The following SLC45A4 variants were observed in gnomAD, a reference collection of about 807,000 sequenced individuals.
The protein encoded by SLC45A4 is polyamine-transporter SLC45A4.
A neutral mutation model predicts 63.7 loss-of-function variants in SLC45A4; 32 were observed. The ratio of observed to expected loss-of-function variants is 0.50; its 90% CI spans 0.38 to 0.67. The LOEUF is 0.67. Among genes scored for constraint, SLC45A4 ranks in the 30% least tolerant of loss-of-function variants. The probability of loss-of-function intolerance (pLI) is 0.00; values close to 1 mark genes in which losing one functional copy is unlikely to be tolerated. For missense variants in SLC45A4, 1,027 were observed against 1,157.7 expected (o/e 0.89, Z 1.64); for synonymous variants, 535 against 510.0 (o/e 1.05, Z -0.66).
intron 3 of SLC45A4, among the ~76,000 whole-genome samples, chr8:141,220,993 C>T (rs115200276): frequency 0.013 from 1,995 of 152,400 alleles, 59 homozygotes; most frequent in African/African-American, 0.046. Flanking sequence ...AGAAGCGTCC[C>T]GGGGCCTCTC....
At position 141,218,467 on chromosome 8, in the gene SLC45A4, T is replaced by G. The variant is rs746616554; in HGVS notation, c.1173A>C (p.Thr391=). Residue 391 remains threonine (T), a synonymous_variant, in exon 5 of 9, where the codon ACA becomes ACC. Transcript: ENST00000517878. Reference sequence around the variant, plus strand: ...TGGTGTAGCCGCCGAGGGCGTCTTTTGTGGGGGAGCCACTTCCGTTTGGGA... The same window carrying G: ...TGGTGTAGCCGCCGAGGGCGTCTTTGGTGGGGGAGCCACTTCCGTTTGGGA... ...AKVPNGSGSP[T]KDALGGYTRV... is the part of the protein sequence containing the mutation. The G allele has an allele frequency of 2.6e-5, 42 of 1,612,970 alleles. No individual in the cohort carries two copies. The highest frequency in any genetic ancestry group is 3.5e-5 in the Non-Finnish European group (41 of 1,179,942).
intron 1 of SLC45A4, among the ~76,000 whole-genome samples, chr8:141,279,808 A>C (rs565538454): frequency 1.3e-5 from 2 of 152,366 alleles, no homozygotes; most frequent in South Asian, 4.1e-4. Flanking sequence ...GTCCAAACAC[A>C]ATCTGGCTAT....
At chr8:141,239,584 ACACACACACACACACGCACG>A (rs1163292241) in intron 2 of SLC45A4, among the ~76,000 whole-genome samples, 2 of 146,724 alleles carry the variant, frequency 1.4e-5, no homozygotes, top group African/African-American at 5.1e-5. Context: ...GCACACACAC[ACACACACACACACACGCACG>A]CACACACACA....
intron 6 of SLC45A4, 54 bp from the exon 7 acceptor site, chr8:141,216,024 G>C (rs950103716): frequency 1.3e-6 from 2 of 1,512,270 alleles, no homozygotes; most frequent in South Asian, 1.2e-5. Context: ...GGCTCCTGTC[G>C]GGCTCCCTCC....
intron 7 of SLC45A4, among the ~76,000 whole-genome samples, chr8:141,214,987 C>A (rs1367980358): frequency 6.6e-6 from 1 of 152,236 alleles, no homozygotes; most frequent in Admixed American, 6.5e-5. Flanking sequence ...TGCAGTGCTA[C>A]CTGTGACGGC....
chr8:141,294,943 G>C (rs1185197617), intron 1 of SLC45A4, among the ~76,000 whole-genome samples: 1 of 152,232 alleles, frequency 6.6e-6, no homozygotes, highest in East Asian at 1.9e-4. Flanking sequence ...AAGTGAGTCA[G>C]GAACTGGCAG....
At chr8:141,232,651 G>A (rs146379501) in intron 2 of SLC45A4, among the ~76,000 whole-genome samples, 28 of 150,240 alleles carry the variant, frequency 1.9e-4, no homozygotes, top group African/African-American at 6.4e-4. Context: ...AAGCTGCAAC[G>A]GGAACACAGA....
chr8:141,281,284 A>G (rs1325102600), intron 1 of SLC45A4, among the ~76,000 whole-genome samples: 1 of 152,204 alleles, frequency 6.6e-6, no homozygotes, highest in African/African-American at 2.4e-5. Flanking sequence ...GGGTGCAGTG[A>G]GCTGAGATCA....
intron 1 of SLC45A4, chr8:141,292,969 T>G (rs1830412140): frequency 6.6e-6 from 1 of 152,176 alleles, no homozygotes; most frequent in African/African-American, 2.4e-5. Flanking sequence ...GCAAGGGGCC[T>G]ACATACCCCC....
intron 1 of SLC45A4, among the ~76,000 whole-genome samples, chr8:141,260,168 A>G (rs1828989218): frequency 6.6e-6 from 1 of 152,210 alleles, no homozygotes; most frequent in South Asian, 2.1e-4. Flanking sequence ...TGGCATCTAT[A>G]TTGATGAAAA....
rs142290350 is a variant in SLC45A4 at position 141,307,261 on chromosome 8, G to A, written c.-401+835C>T. Among the ~76,000 whole-genome samples the A allele has an allele frequency of 5.3e-5, 8 of 152,378 alleles. No homozygotes were observed. In the East Asian group the frequency reaches 1.5e-3, roughly 29 times the overall value. ...AAGCGCAAAGGGGAAAGGGGCAGCG[G>A]GTGCTGAGACGCAGAAGGTGCGGGG... On this transcript the variant is annotated intron_variant, in intron 1 of 8. Coordinates refer to ENST00000517878, the MANE Select transcript of SLC45A4 (RefSeq NM_001286646.2).
At chr8:141,230,559 G>C (rs1827288889) in intron 2 of SLC45A4, among the ~76,000 whole-genome samples, 1 of 152,244 alleles carries the variant, frequency 6.6e-6, no homozygotes, top group African/African-American at 2.4e-5. Context: ...TAAGCAGCGG[G>C]GGAGGTAGGG....
chr8:141,256,665 C>T lies in SLC45A4; in HGVS notation c.-400-2036G>A, dbSNP rs994049645. On this transcript the variant is annotated intron_variant, in intron 1 of 8. Transcript: ENST00000517878. The surrounding 1 kb of genome is among the most constrained non-coding windows in gnomAD (Gnocchi z 4.3). ...GAATGCCTACTAATTCCTTAAGAAC[C>T]AAAGGTTCAAGTGGTGCTACCTATG... is the stretch of plus-strand genomic sequence containing the variant. 1 of 455,880 alleles carries T rather than the reference C, an allele frequency of 2.2e-6. No homozygotes were observed. Among genetic ancestry groups the T allele is most frequent in the African/African-American group, 2.0e-5 (1 of 50,052 alleles). 28.2% of individuals were successfully genotyped at this position (455,880 alleles called of 1,614,324 possible). A position where few individuals can be genotyped will look rare whatever the true frequency, so the allele number is the denominator to read the frequency against.
Position 141,227,400 on chromosome 8 carries a change from A to G in SLC45A4, c.242-5635T>C, listed in dbSNP as rs1405506968. 6.6e-6 allele frequency among the ~76,000 whole-genome samples: 1 copy of G among 152,220 alleles called. No individual in the cohort carries two copies. The highest frequency in any genetic ancestry group is 1.9e-4 in the East Asian group (1 of 5,202). ...ATCCGCAATGGGAACAGGAACTTGC[A>G]TTCTTTCTTTCAATGGACAAAGCTT... is the stretch of plus-strand genomic sequence containing the variant. On this transcript the variant is annotated intron_variant, in intron 2 of 8. Coordinates refer to ENST00000517878, the MANE Select transcript of SLC45A4 (RefSeq NM_001286646.2). This position sits in a 1 kb window ranked among gnomAD's most constrained non-coding sequence, Gnocchi z 4.4.
chr8:141,257,267 T>C (rs1828839803), intron 1 of SLC45A4, among the ~76,000 whole-genome samples: 1 of 152,254 alleles, frequency 6.6e-6, no homozygotes, highest in Admixed American at 6.5e-5. Context: ...GAATCATTCC[T>C]AACAGAAAAT....
intron 2 of SLC45A4, chr8:141,228,285 C>T (rs373446799): frequency 1.0e-4 from 169 of 1,612,248 alleles, no homozygotes; most frequent in Non-Finnish European, 1.2e-4. Flanking sequence ...CTGTCCCTGC[C>T]GCCCTGTGCC....
At chr8:141,307,225 A>T (rs1198381177) in intron 1 of SLC45A4, among the ~76,000 whole-genome samples, 1 of 152,132 alleles carries the variant, frequency 6.6e-6, no homozygotes, top group African/African-American at 2.4e-5. Context: ...TACCTGGGGG[A>T]GGAACGGGTT....
intron 1 of SLC45A4, among the ~76,000 whole-genome samples, chr8:141,255,216 C>T (rs1187289687): frequency 2.0e-5 from 3 of 152,160 alleles, no homozygotes; most frequent in East Asian, 1.9e-4. Flanking sequence ...CTCATCCTCC[C>T]GAGTAGCTGC....
intron 1 of SLC45A4, among the ~76,000 whole-genome samples, chr8:141,279,576 C>T (rs1208059746): frequency 3.9e-5 from 6 of 152,220 alleles, no homozygotes; most frequent in South Asian, 4.1e-4. Flanking sequence ...TTGGGGGCTT[C>T]GAGTACACAA....
Sources: allele counts gnomAD v4.1 joint callset (sites outside exome capture counted in the v4.1 genomes callset), GRCh38; gene constraint gnomAD v4.1.1; non-coding constraint Gnocchi (gnomAD v3.1); transcripts MANE v1.5; gene names NCBI Gene and HGNC (gene_info 2026-07-23, HGNC 2026-07-21).